COL12A1: variants seen among roughly 807,000 people sequenced by gnomAD.
The protein encoded by COL12A1 is collagen type XII alpha 1 chain.
Under a neutral mutation model 349.7 loss-of-function variants are expected in COL12A1, and 114 were observed. The ratio of observed to expected loss-of-function variants is 0.33; its 90% CI spans 0.28 to 0.38. COL12A1 has a LOEUF of 0.38. COL12A1 is among the 10% of genes least tolerant of loss of function. COL12A1 has a pLI of 1.00. For synonymous variants in COL12A1, 1,369 were observed against 1,329.0 expected, an observed-to-expected ratio of 1.03 and a Z score of -0.66; for missense variants, 3,284 against 3,756.9, an observed-to-expected ratio of 0.87 and a Z score of 3.29.
chr6:75,163,400 A>G (rs1367237239), intron 14 of COL12A1, among the ~76,000 whole-genome samples: 7 of 152,214 alleles, frequency 4.6e-5, no homozygotes, highest in Non-Finnish European at 7.3e-5. Context: ...TTCTCAGCAT[A>G]CTAATGCAAG....
At chr6:75,186,646 T>C (rs778397750) in intron 8 of COL12A1, among the ~76,000 whole-genome samples, 2 of 152,196 alleles carry the variant, frequency 1.3e-5, no homozygotes, top group Non-Finnish European at 2.9e-5. Flanking sequence ...TAAATCATCC[T>C]ATTATAAAGA....
intron 34 of COL12A1, 50 bp from the exon 35 acceptor site, chr6:75,132,132 C>T (rs757414184): frequency 8.8e-6 from 14 of 1,591,854 alleles, no homozygotes; most frequent in East Asian, 2.2e-5. Context: ...TTATATATCT[C>T]AAGCTTTTGT....
At position 75,174,981 on chromosome 6, in the gene COL12A1, C is replaced by T. The variant is rs1304049982; in HGVS notation, c.2710+57G>A. ...ATTGTCTGAAGACATTTTAAGCTTCCTAGAGGCAGCACCACAAACAAGTTC... is the reference window on the plus strand; with the variant it reads ...ATTGTCTGAAGACATTTTAAGCTTCTTAGAGGCAGCACCACAAACAAGTTC... On this transcript the variant is annotated intron_variant, in intron 13 of 65. Coordinates refer to ENST00000322507, the MANE Select transcript of COL12A1 (RefSeq NM_004370.6). The T allele has an allele frequency of 3.2e-6, 5 of 1,585,386 alleles. No homozygotes were observed. In the East Asian group the frequency reaches 6.7e-5, roughly 21 times the overall value.
intron 53 of COL12A1, 142 bp from the exon 54 acceptor site, chr6:75,105,434 T>C (rs1768503304): frequency 4.7e-6 from 3 of 643,848 alleles, no homozygotes; most frequent in South Asian, 2.0e-5. Flanking sequence ...TAGTCTTATG[T>C]TGAAACTTGC....
intron 59 of COL12A1, among the ~76,000 whole-genome samples, chr6:75,095,623 CAAAAAAA>C (rs58205028): frequency 3.9e-5 from 4 of 102,092 alleles, no homozygotes; most frequent in African/African-American, 1.2e-4. Context: ...GACTCCGTCT[CAAAAAAA>C]AAAAAAAAAA....
In COL12A1 at chr6:75,138,968, T is replaced by C. The variant is rs1332779; in HGVS notation, c.4958-7A>G. 6.3e-5 allele frequency: 101 copies of C among 1,612,862 alleles called. 2 individuals are homozygous for C. The highest frequency in any genetic ancestry group is 2.6e-4 in the South Asian group (24 of 90,670). On this transcript the variant is annotated splice_polypyrimidine_tract_variant and splice_region_variant and intron_variant, in intron 27 of 65. Transcript: ENST00000322507. ...GTTGGGGCTGGCACGGGTCCTATCA[T>C]GAGAAAAGGCAAGCAGACTAAGTTT...
Position 75,115,901 on chromosome 6 carries a change from T to C in COL12A1, c.7580A>G (p.Tyr2527Cys), listed in dbSNP as rs2149361454. The change falls in exon 49 of 66, where the codon TAC becomes TGC. Residue 2527 changes from tyrosine to cysteine, a missense_variant. Coordinates refer to ENST00000322507, the MANE Select transcript of COL12A1 (RefSeq NM_004370.6). ...AGCAAAATTCTTTTCTGTCAGGTTG[T>C]ATGCTTCAAGCATTTTAAAACCTTT... is the stretch of plus-strand genomic sequence containing the variant. Reference protein sequence around the residue: ...TSPGFKMLEAYNLTEKNFASV... With the variant: ...TSPGFKMLEACNLTEKNFASV... The C allele has an allele frequency of 1.2e-6, 2 of 1,613,358 alleles. No homozygotes were observed. Among genetic ancestry groups the C allele is most frequent in the Middle Eastern group, 1.7e-4 (1 of 6,040 alleles).
rs1386788352 is a variant in COL12A1, at chr6:75,189,362, T to C, written c.678A>G (p.Leu226=). The C allele has an allele frequency of 1.2e-6, 2 of 1,612,724 alleles. No homozygotes were observed. Among genetic ancestry groups the C allele is most frequent in the South Asian group, 2.2e-5 (2 of 90,992 alleles). The change falls in exon 7 of 66, where the codon TTA becomes TTG. Residue 226 remains leucine (L), a synonymous_variant. Transcript: ENST00000322507. Reference sequence around the variant, plus strand: ...CAGATTCCGTGAAAGTATTTTTAACTAAATAATCAATGGCATCCCCTAAAG... The same window carrying C: ...CAGATTCCGTGAAAGTATTTTTAACCAAATAATCAATGGCATCCCCTAAAG... ...NTMTGDAIDY[L]VKNTFTESAG...
chr6:75,177,134 A>G (rs78602566), intron 12 of COL12A1, among the ~76,000 whole-genome samples: 1,978 of 152,278 alleles, frequency 0.013, 39 homozygotes, highest in African/African-American at 0.045. Flanking sequence ...ATATCCTAGC[A>G]TTTAAATTCT....
intron 2 of COL12A1, among the ~76,000 whole-genome samples, chr6:75,198,454 ATATTACATATG>A (rs576075110): frequency 2.0e-3 from 308 of 151,274 alleles, no homozygotes; most frequent in Middle Eastern, 7.1e-3. Context: ...TATATTATAC[ATATTACATATG>A]TATTACATAT....
chr6:75,132,198 C>T, intron 34 of COL12A1, 116 bp from the exon 35 acceptor site: 2 of 1,281,820 alleles, frequency 1.6e-6, no homozygotes, highest in Non-Finnish European at 2.1e-6. Flanking sequence ...CTTCTTTATA[C>T]TTCTAATTAC....
At chr6:75,088,611 A>AT (rs1043701144) in intron 64 of COL12A1, among the ~76,000 whole-genome samples, 7 of 152,222 alleles carry the variant, frequency 4.6e-5, no homozygotes, top group Middle Eastern at 6.8e-3. Flanking sequence ...GAAACTTTTC[A>AT]TTTTTTTAAC....
At position 75,151,265 on chromosome 6, in the gene COL12A1, G is replaced by A. The variant is rs751690563; in HGVS notation, c.4023C>T (p.Val1341=). Residue 1341 remains valine (V), a synonymous_variant, in exon 21 of 66, where the codon GTC becomes GTT. Coordinates refer to ENST00000322507, the MANE Select transcript of COL12A1 (RefSeq NM_004370.6). ...FAIGIKNADE[V]ELKMIATDPD... is the part of the protein sequence containing the mutation. ...GATCAGTTGCAATCATCTTTAATTC[G>A]ACTTCATCAGCATTTTTAATACCTT... 1.2e-5 allele frequency: 19 copies of A among 1,612,798 alleles called. No homozygotes were observed. Among genetic ancestry groups the A allele is most frequent in the East Asian group, 1.1e-4 (5 of 44,842 alleles).
At chr6:75,100,365 A>G (rs1265730587) in intron 58 of COL12A1, among the ~76,000 whole-genome samples, 1 of 152,220 alleles carries the variant, frequency 6.6e-6, no homozygotes. Flanking sequence ...TAGCAGCAGC[A>G]AGCAAGTCAG....
intron 14 of COL12A1, among the ~76,000 whole-genome samples, chr6:75,157,513 C>A (rs1405235951): frequency 6.6e-6 from 1 of 151,742 alleles, no homozygotes; most frequent in Non-Finnish European, 1.5e-5. Context: ...GGACACTGAT[C>A]CCTAAGAGAG....
Position 75,165,397 on chromosome 6 carries a change from A to G in COL12A1, c.2983+110T>C, listed in dbSNP as rs887911010. ...TAAAGATCCTAATTCCTCAGTCTTC[A>G]TTTATCATGTAAAGAAAAAACATTC... On this transcript the variant is annotated intron_variant, in intron 14 of 65. Transcript: ENST00000322507. The G allele has an allele frequency of 5.0e-6, 7 of 1,390,094 alleles. No homozygotes were observed. The Admixed American group carries it at 1.1e-4, about 21-fold the overall frequency. The allele number at this position is 1,390,094 out of a possible 1,614,324, so 86.1% of individuals were successfully genotyped here. A position where few individuals can be genotyped will look rare whatever the true frequency, so the allele number is the denominator to read the frequency against.
chr6:75,103,613 G>A lies in COL12A1; in HGVS notation c.8319+144C>T, dbSNP rs1582052542. ...CTAATCCATCATTATGACATCCAGA[G>A]ATAAGACAGAGGTAATTATATTACC... On this transcript the variant is annotated intron_variant, in intron 55 of 65. Coordinates refer to ENST00000322507, the MANE Select transcript of COL12A1 (RefSeq NM_004370.6). 3 of 626,090 alleles carry A rather than the reference G, an allele frequency of 4.8e-6. No homozygotes were observed. The Admixed American group carries it at 9.1e-5, about 19-fold the overall frequency. The allele number at this position is 626,090 out of a possible 1,614,324, so 38.8% of individuals were successfully genotyped here. A position where few individuals can be genotyped will look rare whatever the true frequency, so the allele number is the denominator to read the frequency against.
chr6:75,148,531 CATT>C lies in COL12A1; in HGVS notation c.4148-37_4148-35del, dbSNP rs773557542. ...GGAAATAAAGGGTATACACTTTTCT[CATT>C]ATTGTAGAAAGGTGACAATATTTGA... On this transcript the variant is annotated intron_variant, in intron 21 of 65. Transcript: ENST00000322507. 1.3e-5 allele frequency: 21 copies of C among 1,574,754 alleles called. No homozygotes were observed. The African/African-American group carries it at 2.7e-4, about 20-fold the overall frequency.
chr6:75,177,888 T>A lies in COL12A1; in HGVS notation c.2212A>T (p.Ser738Cys), dbSNP rs758508797. The change falls in exon 12 of 66, where the codon AGT becomes TGT. Residue 738 changes from serine (S) to cysteine (C), a missense_variant. Physicochemically the swap from Ser to Cys is moderately radical, Grantham distance 112. Coordinates refer to ENST00000322507, the MANE Select transcript of COL12A1 (RefSeq NM_004370.6). ...NLKVTDETTDSFKITWTQAPG... is the reference protein window; with the variant it reads ...NLKVTDETTDCFKITWTQAPG... The stretch of plus-strand genomic sequence containing the variant: ...GCTTGAGTCCAAGTAATTTTGAAAC[T>A]ATCTGTAGTCTCATCTGTCACCTTT... 6.2e-7 allele frequency: 1 copy of A among 1,613,158 alleles called. No homozygotes were observed. The highest frequency in any genetic ancestry group is 1.3e-5 in the African/African-American group (1 of 74,934).
Sources: gnomAD v4.1 joint callset for allele counts (sites outside exome capture counted in the v4.1 genomes callset) on GRCh38, gnomAD v4.1.1 for gene constraint, MANE v1.5 for transcripts, NCBI Gene and HGNC (gene_info 2026-07-23, HGNC 2026-07-21) for gene names.